Variants in CCDC6 observed in about 807,000 individuals in gnomAD.
CCDC6 encodes coiled-coil domain-containing protein 6.
A neutral mutation model predicts 56.6 loss-of-function variants in CCDC6; 20 were observed. The observed-to-expected ratio is 0.35, with a 90% CI of 0.25 to 0.51. The LOEUF (loss-of-function observed/expected upper bound fraction) is 0.51. Ranked by LOEUF, CCDC6 falls within the 20% of genes least tolerant of loss-of-function variation. The pLI, the probability that CCDC6 is intolerant of heterozygous loss-of-function variation, is 0.95. For missense variants in CCDC6, 367 were observed against 601.1 expected (o/e 0.61, Z 4.07); for synonymous variants, 241 against 234.4 (o/e 1.03, Z -0.26).
intron 1 of CCDC6, among the ~76,000 whole-genome samples, chr10:59,890,169 C>A (rs956169181): frequency 1.3e-5 from 2 of 152,128 alleles, no homozygotes; most frequent in Non-Finnish European, 2.9e-5. Flanking sequence ...CTCCCAGTAC[C>A]ACTGCAGGCT....
chr10:59,808,297 T>C (rs1446027301), intron 5 of CCDC6, among the ~76,000 whole-genome samples: 1 of 152,148 alleles, frequency 6.6e-6, no homozygotes, highest in African/African-American at 2.4e-5. Context: ...CTGCTTCAGC[T>C]AAGTTCCCCG....
chr10:59,895,097 T>C (rs1008492374), intron 1 of CCDC6, among the ~76,000 whole-genome samples: 3 of 150,866 alleles, frequency 2.0e-5, no homozygotes, highest in African/African-American at 7.3e-5. Context: ...AGCCCAGGAG[T>C]TCAAGACTAG....
intron 2 of CCDC6, among the ~76,000 whole-genome samples, chr10:59,838,365 A>G (rs1409398246): frequency 6.6e-6 from 1 of 152,122 alleles, no homozygotes; most frequent in Non-Finnish European, 1.5e-5. Flanking sequence ...AGATCATCCT[A>G]GCACAAGTCC....
At chr10:59,838,211 A>C (rs1217185470) in intron 2 of CCDC6, among the ~76,000 whole-genome samples, 1 of 142,872 alleles carries the variant, frequency 7.0e-6, no homozygotes, top group East Asian at 2.0e-4. Context: ...CCATGAAGTC[A>C]GCCTCCATAA....
chr10:59,815,870 A>G (rs1429842667), intron 3 of CCDC6, among the ~76,000 whole-genome samples: 1 of 152,220 alleles, frequency 6.6e-6, no homozygotes, highest in Non-Finnish European at 1.5e-5. Context: ...TCCCGTGTGT[A>G]TACATAAGGC....
intron 1 of CCDC6, among the ~76,000 whole-genome samples, chr10:59,864,669 G>C (rs1225407425): frequency 6.6e-6 from 1 of 152,100 alleles, no homozygotes; most frequent in East Asian, 1.9e-4. Flanking sequence ...TACTCTATGG[G>C]TTAATGGGTG....
intron 3 of CCDC6, among the ~76,000 whole-genome samples, chr10:59,824,326 T>A (rs1182569797): frequency 6.6e-6 from 1 of 152,118 alleles, no homozygotes; most frequent in Non-Finnish European, 1.5e-5. Flanking sequence ...CCAAAACAAA[T>A]CAACTCAACA....
In CCDC6 at chr10:59,906,245, G is replaced by A. The variant is rs1260516857; in HGVS notation, c.180C>T (p.Thr60=). The change falls in exon 1 of 9, where the codon ACC becomes ACT. Residue 60 remains threonine (T), a synonymous_variant. Coordinates refer to ENST00000263102, the MANE Select transcript of CCDC6 (RefSeq NM_005436.5). The stretch of plus-strand genomic sequence containing the variant: ...CTTGCTGCAGCGAGGCCAGGCGGTT[G>A]GTGAGCTCCTCCAGGCGGAACGGCG... ...VISPFRLEEL[T]NRLASLQQEN... The A allele has an allele frequency of 6.2e-7, 1 of 1,613,326 alleles. No individual in the cohort carries two copies. The highest frequency in any genetic ancestry group is 1.1e-5 in the South Asian group (1 of 91,064).
rs2070469927 is a variant in CCDC6 at position 59,791,749 on chromosome 10, GT to G, written c.*1167del. 4.7e-6 allele frequency: 1 copy of G among 214,150 alleles called. No homozygotes were observed. The highest frequency in any genetic ancestry group is 2.3e-5 in the African/African-American group (1 of 44,320). 13.3% of individuals were successfully genotyped at this position (214,150 alleles called of 1,614,324 possible). A position where few individuals can be genotyped will look rare whatever the true frequency, so the allele number is the denominator to read the frequency against. ...CGTGTTAAGAAAAGAGTGACTCAGT[GT>G]TCCACTGCAAAGTGAAACCAAATGA... On this transcript the variant is annotated 3_prime_UTR_variant, in exon 9 of 9. Coordinates refer to ENST00000263102, the MANE Select transcript of CCDC6 (RefSeq NM_005436.5).
chr10:59,799,879 A>T (rs1269197513), intron 7 of CCDC6, among the ~76,000 whole-genome samples: 1 of 152,174 alleles, frequency 6.6e-6, no homozygotes, highest in Non-Finnish European at 1.5e-5. Flanking sequence ...GCTACCTTGC[A>T]AGGTTGTCAT....
intron 3 of CCDC6, 69 bp from the exon 4 acceptor site, chr10:59,814,824 G>T: frequency 2.1e-6 from 2 of 975,164 alleles, no homozygotes; most frequent in South Asian, 1.3e-5. Flanking sequence ...TTTTTTGATT[G>T]AACAATTAGG....
rs2070454118 is a variant in CCDC6 at position 59,790,011 on chromosome 10, A to G, written c.*2906T>C. The G allele has an allele frequency of 4.6e-6, 1 of 217,212 alleles. No homozygotes were observed. Among genetic ancestry groups the G allele is most frequent in the Non-Finnish European group, 9.3e-6 (1 of 107,670 alleles). 13.5% of individuals were successfully genotyped at this position (217,212 alleles called of 1,614,324 possible). On this transcript the variant is annotated 3_prime_UTR_variant, in exon 9 of 9. Transcript: ENST00000263102. ...CAGTATCTCAGGAGCTCAGAATTTA[A>G]AACTCCTTTCAGTCAACGAAGGAGT...
At chr10:59,850,309 G>A (rs1707118316) in intron 2 of CCDC6, among the ~76,000 whole-genome samples, 1 of 152,002 alleles carries the variant, frequency 6.6e-6, no homozygotes, top group Non-Finnish European at 1.5e-5. Flanking sequence ...CCACCAAATT[G>A]TACACTCAAA....
In CCDC6 at chr10:59,799,220, C is replaced by T. The variant is rs372478730; in HGVS notation, c.1106-4623G>A. 4.0e-4 allele frequency among the ~76,000 whole-genome samples: 60 copies of T among 151,544 alleles called. 1 individual carries two copies. The highest frequency in any genetic ancestry group is 1.4e-3 in the African/African-American group (59 of 41,356). ...CTGAAGCGGGTGGATCACTTGAGGT[C>T]GGGAATTCAAGACCAGCCTGGTCAA... On this transcript the variant is annotated intron_variant, in intron 7 of 8. Transcript: ENST00000263102.
At chr10:59,857,846 C>T (rs1193871908) in intron 1 of CCDC6, among the ~76,000 whole-genome samples, 1 of 152,118 alleles carries the variant, frequency 6.6e-6, no homozygotes, top group African/African-American at 2.4e-5. Flanking sequence ...ATGATCTTAA[C>T]ATCTCAGTTT....
intron 1 of CCDC6, among the ~76,000 whole-genome samples, chr10:59,864,123 T>C (rs1308781958): frequency 1.3e-5 from 2 of 152,218 alleles, no homozygotes; most frequent in Admixed American, 6.5e-5. Flanking sequence ...TGAATTCTGC[T>C]ATGAAATGTA....
intron 1 of CCDC6, among the ~76,000 whole-genome samples, chr10:59,858,759 T>C (rs2132660231): frequency 6.6e-6 from 1 of 152,318 alleles, no homozygotes; most frequent in Non-Finnish European, 1.5e-5. Context: ...GTCACTTACT[T>C]GGATACAGAG....
At chr10:59,820,855 A>AT (rs201032652) in intron 3 of CCDC6, among the ~76,000 whole-genome samples, 2,988 of 144,276 alleles carry the variant, frequency 0.021, 35 homozygotes, top group Middle Eastern at 0.049. Context: ...AGTTGGCTAG[A>AT]TTTTTTTTTT....
Position 59,789,447 on chromosome 10 carries a change from G to GA in CCDC6, c.*3469dup, listed in dbSNP as rs202199098. 384 of 219,500 alleles carry GA rather than the reference G, an allele frequency of 1.7e-3. No homozygotes were observed. The highest frequency in any genetic ancestry group is 4.2e-3 in the Middle Eastern group (3 of 712). 13.6% of individuals were successfully genotyped at this position (219,500 alleles called of 1,614,324 possible). A position where few individuals can be genotyped will look rare whatever the true frequency, so the allele number is the denominator to read the frequency against. On this transcript the variant is annotated 3_prime_UTR_variant, in exon 9 of 9. Transcript: ENST00000263102. ...ATGTTTTAATCAAAAAATTAAAGAA[G>GA]AAAAAAAAACCCTAAAAAACAAAGA...
Sources: allele counts gnomAD v4.1 joint callset (sites outside exome capture counted in the v4.1 genomes callset), GRCh38; gene constraint gnomAD v4.1.1; transcripts MANE v1.5; gene names NCBI Gene and HGNC (gene_info 2026-07-23, HGNC 2026-07-21).